CHD8: variants seen among roughly 807,000 people sequenced by gnomAD.
The protein encoded by CHD8 is chromodomain helicase DNA binding protein 8, also known as ATP-dependent chromatin remodeler CHD8.
Under a neutral mutation model 279.2 loss-of-function variants are expected in CHD8, and 31 were observed. The observed-to-expected ratio is 0.11, with a 90% CI of 0.08 to 0.15. CHD8 has a LOEUF of 0.15. CHD8 is among the 10% of genes least tolerant of loss of function. The pLI is 1.00. For missense variants in CHD8, 2,146 were observed against 3,230.5 expected (o/e 0.66, Z 8.14); for synonymous variants, 1,081 against 1,139.6 (o/e 0.95, Z 1.04).
intron 20 of CHD8, 67 bp from the exon 21 acceptor site, chr14:21,401,580 T>C: frequency 9.8e-7 from 1 of 1,022,522 alleles, no homozygotes; most frequent in Non-Finnish European, 1.4e-6. Flanking sequence ...TCAGCAATTA[T>C]GTTTTAAAAA....
rs369653742 is a variant in CHD8, at chr14:21,419,597, C to A, written c.1717-3690G>T. On this transcript the variant is annotated intron_variant, in intron 5 of 37. Coordinates refer to ENST00000646647, the MANE Select transcript of CHD8 (RefSeq NM_001170629.2). ...ATAAAAGAAAACAAAAAAAATAATC[C>A]TGGGTGCCGTACACTGGAGACCATG... is the stretch of plus-strand genomic sequence containing the variant. The A allele has an allele frequency of 3.8e-4, 59 of 155,920 alleles. 1 individual carries two copies. The highest frequency in any genetic ancestry group is 2.2e-3 in the Middle Eastern group (1 of 446). The allele number at this position is 155,920 out of a possible 1,614,324, so 9.7% of individuals were successfully genotyped here.
intron 1 of CHD8, among the ~76,000 whole-genome samples, chr14:21,436,125 T>C (rs1381379262): frequency 2.0e-5 from 3 of 152,222 alleles, no homozygotes; most frequent in Admixed American, 2.0e-4. Context: ...TGTGCACTTT[T>C]AGAAAGTACC....
chr14:21,404,113 A>AT (rs1888154505), intron 16 of CHD8, among the ~76,000 whole-genome samples: 1 of 150,346 alleles, frequency 6.7e-6, no homozygotes, highest in Admixed American at 6.6e-5. Context: ...AAAAAAAAAA[A>AT]TCAGCCGGGT....
Position 21,431,691 on chromosome 14 carries a change from G to A in CHD8, c.-48C>T. On this transcript the variant is annotated 5_prime_UTR_variant, in exon 2 of 38. Coordinates refer to ENST00000646647, the MANE Select transcript of CHD8 (RefSeq NM_001170629.2). ...CTTCTCCAAGGTCTAGGGAGGGAAG[G>A]GGAGGGGGGGTACTGGCTCTCCCCT... 6.3e-7 allele frequency: 1 copy of A among 1,592,040 alleles called. No individual in the cohort carries two copies. The highest frequency in any genetic ancestry group is 8.5e-7 in the Non-Finnish European group (1 of 1,169,616).
intron 25 of CHD8, 92 bp from the exon 26 acceptor site, chr14:21,399,797 CATTAA>C (rs928140765): frequency 9.8e-7 from 1 of 1,020,808 alleles, no homozygotes; most frequent in African/African-American, 1.6e-5. Flanking sequence ...TTCCTGTATC[CATTAA>C]TTTAAATACT....
At chr14:21,429,664 G>A (rs1419960644) in intron 2 of CHD8, 4 of 406,892 alleles carry the variant, frequency 9.8e-6, no homozygotes, top group Admixed American at 3.2e-5. Flanking sequence ...TTGCTCCTGG[G>A]AGGTCACCAT....
chr14:21,423,144 A>C (rs371021735), intron 5 of CHD8, among the ~76,000 whole-genome samples: 1 of 151,984 alleles, frequency 6.6e-6, no homozygotes, highest in East Asian at 1.9e-4. Context: ...ACTTGAACCG[A>C]GAGGCAGAGG....
At chr14:21,419,043 T>C (rs1888888515) in intron 5 of CHD8, among the ~76,000 whole-genome samples, 1 of 152,226 alleles carries the variant, frequency 6.6e-6, no homozygotes, top group African/African-American at 2.4e-5. Flanking sequence ...GCATATTTTA[T>C]GATATGTATA....
At chr14:21,428,366 C>G (rs1889417404) in intron 3 of CHD8, 112 bp from the exon 4 acceptor site, 2 of 907,124 alleles carry the variant, frequency 2.2e-6, no homozygotes, top group South Asian at 1.7e-5. Flanking sequence ...CCTCAAGAAT[C>G]AAGCTCAGAC....
intron 1 of CHD8, among the ~76,000 whole-genome samples, chr14:21,440,684 A>G (rs144510988): frequency 1.6e-3 from 245 of 152,304 alleles, no homozygotes; most frequent in Non-Finnish European, 2.9e-3. Flanking sequence ...CAGCCTTGCT[A>G]AAGTGTAAAT....
rs969355375 is a variant in CHD8, at chr14:21,451,571, CAAAAAAAAA to C, written c.-216+4452_-216+4460del. ...TGGGCAACAGAGTGAGACTCTGTCT[CAAAAAAAAA>C]AAAAAAAAAAAAAAAAAAAAAGTAA... On this transcript the variant is annotated intron_variant, in intron 1 of 37. Transcript: ENST00000646647. Among the ~76,000 whole-genome samples, 231 of 31,620 alleles carry C rather than the reference CAAAAAAAAA, an allele frequency of 7.3e-3. 1 individual carries two copies. Among genetic ancestry groups the C allele is most frequent in the African/African-American group, 0.017 (145 of 8,770 alleles). 20.7% of individuals were successfully genotyped at this position (31,620 alleles called of 152,430 possible).
rs3068337 is a variant in CHD8, at chr14:21,394,605, C to CAAAAAAAAAAAAAA, written c.5391-134_5391-121dup. 2.9e-5 allele frequency: 3 copies of CAAAAAAAAAAAAAA among 103,764 alleles called. 1 individual carries two copies. The highest frequency in any genetic ancestry group is 3.3e-5 in the Non-Finnish European group (2 of 61,196). The allele number at this position is 103,764 out of a possible 1,614,324, so 6.4% of individuals were successfully genotyped here. A position where few individuals can be genotyped will look rare whatever the true frequency, so the allele number is the denominator to read the frequency against. ...AAAACACAAAAATTGAAAGTAGACG[C>CAAAAAAAAAAAAAA]AAAAAAAAAAAAAAAAAAAGGCCCA... is the stretch of plus-strand genomic sequence containing the variant. On this transcript the variant is annotated intron_variant, in intron 30 of 37. Coordinates refer to ENST00000646647, the MANE Select transcript of CHD8 (RefSeq NM_001170629.2).
At position 21,402,713 on chromosome 14, in the gene CHD8, A is replaced by G. The variant is rs1445601690; in HGVS notation, c.3715-210T>C. The stretch of plus-strand genomic sequence containing the variant: ...AAAGTCTGTGTGGACATCTGTTTTT[A>G]AAAATAAAGTTCAATGGGGACACAG... On this transcript the variant is annotated intron_variant, in intron 18 of 37. Coordinates refer to ENST00000646647, the MANE Select transcript of CHD8 (RefSeq NM_001170629.2). This position sits in a 1 kb window ranked among gnomAD's most constrained non-coding sequence, Gnocchi z 4.5. Among the ~76,000 whole-genome samples the G allele has an allele frequency of 6.6e-6, 1 of 152,222 alleles. No homozygotes were observed.
chr14:21,390,366 C>T (rs1887471635), intron 37 of CHD8, among the ~76,000 whole-genome samples: 1 of 152,214 alleles, frequency 6.6e-6, no homozygotes. Context: ...TCTGAATGTT[C>T]TCTCTAACCC....
At chr14:21,449,140 C>G (rs974698010) in intron 1 of CHD8, among the ~76,000 whole-genome samples, 2 of 152,006 alleles carry the variant, frequency 1.3e-5, no homozygotes, top group African/African-American at 4.8e-5. Flanking sequence ...CGCCACTGCA[C>G]TCCAGCCTGG....
intron 1 of CHD8, among the ~76,000 whole-genome samples, chr14:21,454,324 T>A (rs1234768405): frequency 1.3e-5 from 2 of 152,074 alleles, no homozygotes; most frequent in Non-Finnish European, 1.5e-5. Flanking sequence ...CTTATCCCAA[T>A]CCATTACTCC....
rs796398359 is a variant in CHD8 at position 21,408,121 on chromosome 14, T to TA, written c.2730+190dup. Among the ~76,000 whole-genome samples, 42 of 151,844 alleles carry TA rather than the reference T, an allele frequency of 2.8e-4. 1 individual carries two copies. Among genetic ancestry groups the TA allele is most frequent in the African/African-American group, 7.2e-4 (30 of 41,402 alleles). On this transcript the variant is annotated intron_variant, in intron 13 of 37. Coordinates refer to ENST00000646647, the MANE Select transcript of CHD8 (RefSeq NM_001170629.2). This position sits in a 1 kb window ranked among gnomAD's most constrained non-coding sequence, Gnocchi z 4.3. ...TCTACCAGATCAAATGTCTACTAGG[T>TA]AAAAAAAATAGCAAAGTCAAAAAAA...
intron 1 of CHD8, among the ~76,000 whole-genome samples, chr14:21,455,540 T>A (rs1890366611): frequency 6.6e-6 from 1 of 152,110 alleles, no homozygotes. Flanking sequence ...CACCTGAGAA[T>A]GAGTAACAAT....
chr14:21,419,652 G>T, intron 5 of CHD8: 1 of 182,800 alleles, frequency 5.5e-6, no homozygotes, highest in South Asian at 7.9e-5. Context: ...GCCAGACCCT[G>T]AGCTGGGCCA....
Sources: allele counts gnomAD v4.1 joint callset (sites outside exome capture counted in the v4.1 genomes callset), GRCh38; gene constraint gnomAD v4.1.1; non-coding constraint Gnocchi (gnomAD v3.1); transcripts MANE v1.5; gene names NCBI Gene and HGNC (gene_info 2026-07-23, HGNC 2026-07-21).